Variants in CHST3 observed in about 807,000 individuals in gnomAD.
The protein encoded by CHST3 is carbohydrate sulfotransferase 3, also known as C6ST-1.
In CHST3, 20 loss-of-function variants were observed where a neutral mutation model predicts 35.4. That is an observed-to-expected ratio of 0.57 (90% CI 0.40 to 0.82). CHST3 has a LOEUF of 0.82. CHST3 is among the 40% of genes least tolerant of loss of function. The probability of loss-of-function intolerance (pLI) is 0.00; values close to 1 mark genes in which losing one functional copy is unlikely to be tolerated. For synonymous variants in CHST3, 334 were observed against 295.9 expected (o/e 1.13, Z -1.32); for missense variants, 693 against 670.1 (o/e 1.03, Z -0.38).
chr10:72,011,481 G>T lies in CHST3; in HGVS notation c.*3010G>T, dbSNP rs1216316785. 1 of 152,266 alleles carries T rather than the reference G, an allele frequency of 6.6e-6. No individual in the cohort carries two copies. Among genetic ancestry groups the T allele is most frequent in the Non-Finnish European group, 1.5e-5 (1 of 68,092 alleles). 9.4% of individuals were successfully genotyped at this position (152,266 alleles called of 1,614,324 possible). A position where few individuals can be genotyped will look rare whatever the true frequency, so the allele number is the denominator to read the frequency against. The stretch of plus-strand genomic sequence containing the variant: ...TGGATATGATTTTCAGCTTGGAGCT[G>T]GGATGGAGAAGATGGAAGCACTGGT... On this transcript the variant is annotated 3_prime_UTR_variant, in exon 3 of 3. Coordinates refer to ENST00000373115, the MANE Select transcript of CHST3 (RefSeq NM_004273.5).
rs552165470 is a variant in CHST3 at position 71,998,297 on chromosome 10, A to T, written c.-107-7439A>T. Among the ~76,000 whole-genome samples, 4 of 152,344 alleles carry T rather than the reference A, an allele frequency of 2.6e-5. No homozygotes were observed. The South Asian group carries it at 8.3e-4, about 32-fold the overall frequency. On this transcript the variant is annotated intron_variant, in intron 1 of 2. Transcript: ENST00000373115. ...TGCCGGCTCTGATAAGATGCTCGCC[A>T]TGCTTCTCCCATGCTGGACTTGGGC...
chr10:72,008,374 T>C lies in CHST3; in HGVS notation c.1343T>C (p.Met448Thr), dbSNP rs758296485. 3 of 1,567,750 alleles carry C rather than the reference T, an allele frequency of 1.9e-6. No individual in the cohort carries two copies. In the South Asian group the frequency reaches 3.5e-5, roughly 18 times the overall value. ...QVVQAACGPAMRLFGYKLARD... is the reference protein window; with the variant it reads ...QVVQAACGPATRLFGYKLARD... Reference sequence around the variant, plus strand: ...GTGCAGGCCGCCTGCGGCCCTGCCATGCGCCTCTTCGGCTACAAACTGGCG... The same window carrying C: ...GTGCAGGCCGCCTGCGGCCCTGCCACGCGCCTCTTCGGCTACAAACTGGCG... The change falls in exon 3 of 3, where the codon ATG becomes ACG. Residue 448 changes from methionine (M) to threonine (T), a missense_variant. Met to Thr is a moderately conservative substitution (Grantham distance 81, BLOSUM62 -1). Coordinates refer to ENST00000373115, the MANE Select transcript of CHST3 (RefSeq NM_004273.5).
intron 1 of CHST3, among the ~76,000 whole-genome samples, chr10:72,002,426 C>T (rs11000128): frequency 3.9e-5 from 6 of 152,306 alleles, no homozygotes; most frequent in Middle Eastern, 6.8e-3. Context: ...CTCCCCGACC[C>T]GCACCTGCCT....
Position 71,969,519 on chromosome 10 carries a change from A to G in CHST3, c.-108+4825A>G, listed in dbSNP as rs78779026. ...GGCTGGCGCCCTTCAAAGGACGCAA[A>G]GAGCATTGGATGAGCACTGCCCAGC... On this transcript the variant is annotated intron_variant, in intron 1 of 2. Transcript: ENST00000373115. Among the ~76,000 whole-genome samples, 545 of 152,346 alleles carry G rather than the reference A, an allele frequency of 3.6e-3. 1 individual carries two copies. Among genetic ancestry groups the G allele is most frequent in the South Asian group, 0.03 (143 of 4,828 alleles).
intron 1 of CHST3, among the ~76,000 whole-genome samples, chr10:71,965,530 A>C (rs1365548280): frequency 6.6e-6 from 1 of 152,120 alleles, no homozygotes; most frequent in Non-Finnish European, 1.5e-5. Context: ...GGGGGGATTT[A>C]AGCCTAAAAG....
At chr10:71,991,326 T>C (rs560687116) in intron 1 of CHST3, among the ~76,000 whole-genome samples, 150 of 152,354 alleles carry the variant, frequency 9.8e-4, no homozygotes, top group Middle Eastern at 3.4e-3. Context: ...ATTAAATATA[T>C]GAAAAATGGC....
chr10:71,978,796 C>T (rs149220336), intron 1 of CHST3, among the ~76,000 whole-genome samples: 1 of 152,318 alleles, frequency 6.6e-6, no homozygotes, highest in Non-Finnish European at 1.5e-5. Context: ...CCTGCCTCTT[C>T]TCTGTTGAGC....
Position 72,005,724 on chromosome 10 carries a change from G to T in CHST3, c.-107-12G>T. On this transcript the variant is annotated splice_polypyrimidine_tract_variant and intron_variant, in intron 1 of 2. Coordinates refer to ENST00000373115, the MANE Select transcript of CHST3 (RefSeq NM_004273.5). ...ACAGACAAGGGTGTTCTGACCACCT[G>T]TCTCTCCGCAGGACAAGGGTGTCCC... 4 of 1,269,802 alleles carry T rather than the reference G, an allele frequency of 3.2e-6. No homozygotes were observed. The highest frequency in any genetic ancestry group is 4.5e-6 in the Non-Finnish European group (4 of 880,736). 78.7% of individuals were successfully genotyped at this position (1,269,802 alleles called of 1,614,324 possible).
At chr10:72,000,446 A>G (rs1038806845) in intron 1 of CHST3, among the ~76,000 whole-genome samples, 2 of 152,066 alleles carry the variant, frequency 1.3e-5, no homozygotes, top group African/African-American at 4.8e-5. Flanking sequence ...GGTGGCCCAC[A>G]TTAGGTCAGG....
At chr10:72,001,200 G>A (rs535168193) in intron 1 of CHST3, among the ~76,000 whole-genome samples, 7 of 152,304 alleles carry the variant, frequency 4.6e-5, no homozygotes, top group East Asian at 1.9e-4. Flanking sequence ...GATGGTCGCC[G>A]CCCTGAAAGA....
rs1169631473 is a variant in CHST3 at position 72,005,283 on chromosome 10, TTGTGTGTGTGTGTGTGTC to T, written c.-107-435_-107-418del. ...CTGCATAAGCACAGGGTCTGCACCT[TTGTGTGTGTGTGTGTGTC>T]TGTGTGTGTGTGTGTGTGTGTTCTC... On this transcript the variant is annotated intron_variant, in intron 1 of 2. Transcript: ENST00000373115. 8.3e-3 allele frequency among the ~76,000 whole-genome samples: 1,236 copies of T among 149,412 alleles called. 19 individuals carry two copies. The highest frequency in any genetic ancestry group is 0.029 in the African/African-American group (1,177 of 40,326).
intron 1 of CHST3, among the ~76,000 whole-genome samples, chr10:71,972,505 C>T (rs546383191): frequency 1.3e-5 from 2 of 152,276 alleles, no homozygotes; most frequent in Admixed American, 6.5e-5. Context: ...GTCTTTTGCC[C>T]GCTCTGCTGA....
At position 72,007,433 on chromosome 10, in the gene CHST3, C is replaced by A; in HGVS notation, c.402C>A (p.His134Gln). 6.2e-7 allele frequency: 1 copy of A among 1,603,770 alleles called. No individual in the cohort carries two copies. Among genetic ancestry groups the A allele is most frequent in the Non-Finnish European group, 8.5e-7 (1 of 1,179,222 alleles). ...PRPAVAGPRR[H>Q]VLLMATTRTG... ...CGGCCGTGGCGGGGCCCCGGCGCCA[C>A]GTGCTGCTCATGGCCACCACGCGCA... The change falls in exon 3 of 3, where the codon CAC (histidine) becomes CAA (glutamine). Residue 134 changes from histidine (H) to glutamine (Q), a missense_variant. Physicochemically the swap from His to Gln is conservative, Grantham distance 24. Transcript: ENST00000373115.
chr10:71,981,799 A>G (rs886476085), intron 1 of CHST3, among the ~76,000 whole-genome samples: 4 of 152,206 alleles, frequency 2.6e-5, no homozygotes, highest in Non-Finnish European at 2.9e-5. Context: ...AATGCTTCTT[A>G]CTGTCAACCC....
chr10:72,001,411 C>T lies in CHST3; in HGVS notation c.-107-4325C>T, dbSNP rs60653762. Among the ~76,000 whole-genome samples, 165 of 152,276 alleles carry T rather than the reference C, an allele frequency of 1.1e-3. 3 individuals are homozygous for T. The East Asian group carries it at 0.027, about 25-fold the overall frequency. On this transcript the variant is annotated intron_variant, in intron 1 of 2. Transcript: ENST00000373115. Reference sequence around the variant, plus strand: ...GTGGGCCCAAGCAGGGGATACCACCCGTTCCTTGGGCTGTTATGTAGTTGC... The same window carrying T: ...GTGGGCCCAAGCAGGGGATACCACCTGTTCCTTGGGCTGTTATGTAGTTGC...
intron 1 of CHST3, among the ~76,000 whole-genome samples, chr10:71,968,135 A>C (rs898729236): frequency 6.6e-6 from 1 of 152,072 alleles, no homozygotes; most frequent in Non-Finnish European, 1.5e-5. Flanking sequence ...TTTTCTCCAC[A>C]ACCTGGCCAG....
intron 1 of CHST3, among the ~76,000 whole-genome samples, chr10:71,966,908 C>T (rs1383946739): frequency 1.3e-5 from 2 of 152,056 alleles, no homozygotes; most frequent in South Asian, 2.1e-4. Flanking sequence ...TTCAGAGGTA[C>T]GTATACAGGT....
chr10:72,004,397 G>C (rs1034781319), intron 1 of CHST3, among the ~76,000 whole-genome samples: 1 of 152,140 alleles, frequency 6.6e-6, no homozygotes, highest in Non-Finnish European at 1.5e-5. Flanking sequence ...TTTGTACAGT[G>C]GTGGGGCTGT....
intron 1 of CHST3, among the ~76,000 whole-genome samples, chr10:71,992,743 C>T (rs1299442633): frequency 6.6e-6 from 1 of 151,044 alleles, no homozygotes; most frequent in East Asian, 1.9e-4. Flanking sequence ...TCACTGCAAC[C>T]TCCACCTCCC....
Sources: allele counts gnomAD v4.1 joint callset (sites outside exome capture counted in the v4.1 genomes callset), GRCh38; gene constraint gnomAD v4.1.1; transcripts MANE v1.5; gene names NCBI Gene and HGNC (gene_info 2026-07-23, HGNC 2026-07-21).